The following SEC22C variants were observed in gnomAD, a reference collection of about 807,000 sequenced individuals.
SEC22C encodes SEC22 homolog C, vesicle trafficking protein, also known as vesicle-trafficking protein SEC22c.
Under a neutral mutation model 34.7 loss-of-function variants are expected in SEC22C, and 29 were observed. The ratio of observed to expected loss-of-function variants is 0.84; its 90% CI spans 0.62 to 1.14. The LOEUF is 1.14. SEC22C is among the 50% of genes most tolerant of loss of function. SEC22C has a pLI of 0.00. For missense variants in SEC22C, 337 were observed against 369.0 expected, an observed-to-expected ratio of 0.91 and a Z score of 0.71; for synonymous variants, 117 against 132.8, an observed-to-expected ratio of 0.88 and a Z score of 0.82.
intron 1 of SEC22C, among the ~76,000 whole-genome samples, chr3:42,569,766 A>G (rs2125713775): frequency 6.6e-6 from 1 of 152,326 alleles, no homozygotes; most frequent in African/African-American, 2.4e-5. Context: ...ATATGTGAAT[A>G]CCATTAAGAA....
chr3:42,600,996 C>T (rs781311078), exon 1 of SEC22C: 1 of 1,561,020 alleles, frequency 6.4e-7, no homozygotes, highest in South Asian at 1.2e-5. Context: ...CTTGCCGCCA[C>T]CTCGGTCGCG....
At chr3:42,558,791 CA>C (rs35593656) in intron 4 of SEC22C, among the ~76,000 whole-genome samples, 29,856 of 150,896 alleles carry the variant, frequency 0.2, 3,641 homozygotes, top group Non-Finnish European at 0.27. Context: ...GAACCTGTCT[CA>C]AAAAAAAATT....
chr3:42,560,070 C>T (rs1340486653), intron 4 of SEC22C, among the ~76,000 whole-genome samples: 2 of 149,022 alleles, frequency 1.3e-5, no homozygotes. Context: ...AGATCTACAA[C>T]ATTTCAGTAA....
At chr3:42,599,726 A>T (rs2125746014) in intron 1 of SEC22C, among the ~76,000 whole-genome samples, 1 of 152,298 alleles carries the variant, frequency 6.6e-6, no homozygotes, top group Middle Eastern at 3.4e-3. Context: ...AACAAACGGT[A>T]ATGGAACGAC....
Position 42,561,461 on chromosome 3 carries a change from G to A in SEC22C, c.347-165C>T, listed in dbSNP as rs142292304. 5.8e-4 allele frequency among the ~76,000 whole-genome samples: 88 copies of A among 152,202 alleles called. No homozygotes were observed. In the East Asian group the frequency reaches 0.011, roughly 19 times the overall value. ...TGCGATCACAACTCACTGCAGCCTTGACCTCCCAGGCTCAAGTGATTCTCC... is the reference window on the plus strand; with the variant it reads ...TGCGATCACAACTCACTGCAGCCTTAACCTCCCAGGCTCAAGTGATTCTCC... On this transcript the variant is annotated intron_variant, in intron 3 of 6. Transcript: ENST00000264454.
chr3:42,558,753 TG>T (rs1204678786), intron 4 of SEC22C, among the ~76,000 whole-genome samples: 1 of 152,018 alleles, frequency 6.6e-6, no homozygotes, highest in Non-Finnish European at 1.5e-5. Flanking sequence ...GATTGCACCA[TG>T]GTACTTCAGC....
upstream of SEC22C, chr3:42,582,011 C>T (rs868191383): frequency 2.6e-4 from 40 of 152,516 alleles, no homozygotes; most frequent in African/African-American, 8.7e-4. Context: ...TCCCCCCTAC[C>T]CCGCATTCGC....
chr3:42,579,088 A>G (rs1296573661), intron 1 of SEC22C, among the ~76,000 whole-genome samples: 1 of 151,590 alleles, frequency 6.6e-6, no homozygotes, highest in East Asian at 1.9e-4. Flanking sequence ...GAACAGCCTG[A>G]CCAACATGGA....
chr3:42,552,966 T>C lies in SEC22C; in HGVS notation c.*282A>G, dbSNP rs940115318. The C allele has an allele frequency of 1.0e-4, 121 of 1,208,274 alleles. No individual in the cohort carries two copies. Among genetic ancestry groups the C allele is most frequent in the Non-Finnish European group, 1.1e-4 (111 of 968,872 alleles). The allele number at this position is 1,208,274 out of a possible 1,614,324, so 74.8% of individuals were successfully genotyped here. A position where few individuals can be genotyped will look rare whatever the true frequency, so the allele number is the denominator to read the frequency against. On this transcript the variant is annotated 3_prime_UTR_variant, in exon 7 of 7. Transcript: ENST00000264454. ...AGACCAAAATATTTCCTTTCTCTCT[T>C]CCAATAAAGCTCTTTCTGGATGAGC... is the stretch of plus-strand genomic sequence containing the variant.
chr3:42,591,460 C>G, intron 1 of SEC22C: 1 of 1,234,900 alleles, frequency 8.1e-7, no homozygotes. Flanking sequence ...CCCAAAGGGC[C>G]GGGGTTACAG....
At chr3:42,590,761 T>C (rs1704794423) in intron 1 of SEC22C, 3 of 905,026 alleles carry the variant, frequency 3.3e-6, no homozygotes, top group South Asian at 1.3e-5. Flanking sequence ...AGTATAGCTC[T>C]TGCGCGTCCA....
intron 1 of SEC22C, among the ~76,000 whole-genome samples, chr3:42,572,142 T>C (rs1019170053): frequency 6.6e-6 from 1 of 151,902 alleles, no homozygotes; most frequent in Non-Finnish European, 1.5e-5. Flanking sequence ...TTTTTTCTTA[T>C]TTGTTTGTTT....
At chr3:42,576,333 G>A (rs1027144135) in intron 1 of SEC22C, among the ~76,000 whole-genome samples, 1 of 151,758 alleles carries the variant, frequency 6.6e-6, no homozygotes, top group African/African-American at 2.4e-5. Context: ...TCACAAACAT[G>A]GAAGGAAATA....
At chr3:42,591,322 C>T in intron 1 of SEC22C, 2 of 596,756 alleles carry the variant, frequency 3.4e-6, no homozygotes, top group Admixed American at 2.9e-5. Context: ...CCTCAGCCTC[C>T]TGAGTAGCTG....
At chr3:42,557,101 C>T (rs1383479966) in intron 5 of SEC22C, among the ~76,000 whole-genome samples, 2 of 152,180 alleles carry the variant, frequency 1.3e-5, no homozygotes, top group Admixed American at 1.3e-4. Flanking sequence ...TAGTAAGTTC[C>T]TTTGAAATGA....
intron 5 of SEC22C, among the ~76,000 whole-genome samples, chr3:42,556,299 T>C (rs1034145148): frequency 6.6e-6 from 1 of 152,244 alleles, no homozygotes; most frequent in Non-Finnish European, 1.5e-5. Flanking sequence ...CTTTCTCTAA[T>C]TCCTCCCATC....
At chr3:42,596,830 G>A (rs1705046177) in intron 1 of SEC22C, among the ~76,000 whole-genome samples, 1 of 152,126 alleles carries the variant, frequency 6.6e-6, no homozygotes, top group Non-Finnish European at 1.5e-5. Context: ...CATAACCAGT[G>A]GCAGAAAGAA....
chr3:42,548,593 C>A lies in SEC22C; in HGVS notation c.*4655G>T, dbSNP rs752151440. 6.2e-7 allele frequency: 1 copy of A among 1,613,380 alleles called. No individual in the cohort carries two copies. The highest frequency in any genetic ancestry group is 1.3e-5 in the African/African-American group (1 of 74,918). On this transcript the variant is annotated 3_prime_UTR_variant, in exon 7 of 7. Transcript: ENST00000264454. ...CGGATGGGAGAATCAGAGCTCTCCTCATTTGGGTCAGGGGTGGCTGGCTCA... is the reference window on the plus strand; with the variant it reads ...CGGATGGGAGAATCAGAGCTCTCCTAATTTGGGTCAGGGGTGGCTGGCTCA...
intron 1 of SEC22C, among the ~76,000 whole-genome samples, chr3:42,570,319 G>T (rs1055117341): frequency 2.0e-5 from 3 of 152,142 alleles, no homozygotes; most frequent in Admixed American, 6.5e-5. Flanking sequence ...CCAGCTAGAA[G>T]TACTTTCTCC....
Sources: allele counts gnomAD v4.1 joint callset (sites outside exome capture counted in the v4.1 genomes callset), GRCh38; gene constraint gnomAD v4.1.1; transcripts MANE v1.5; gene names NCBI Gene and HGNC (gene_info 2026-07-23, HGNC 2026-07-21).